Variants in MBOAT1 observed in about 807,000 individuals in gnomAD.
The protein encoded by MBOAT1 is membrane bound glycerophospholipid O-acyltransferase 1.
In MBOAT1, 67 loss-of-function variants were observed where a neutral mutation model predicts 64.4. The observed-to-expected ratio is 1.04, with a 90% CI of 0.85 to 1.27. MBOAT1 has a LOEUF of 1.27. Among genes scored for constraint, MBOAT1 ranks in the 50% most tolerant of loss-of-function variants. MBOAT1 has a pLI of 0.00. For synonymous variants in MBOAT1, 229 were observed against 218.9 expected (o/e 1.05, Z -0.41); for missense variants, 563 against 604.6 (o/e 0.93, Z 0.72).
At chr6:20,211,329 A>G (rs1446925806) in intron 1 of MBOAT1, among the ~76,000 whole-genome samples, 3 of 152,156 alleles carry the variant, frequency 2.0e-5, no homozygotes, top group African/African-American at 7.2e-5. Context: ...GCCCTGCCCA[A>G]TTCTATTTAA....
At chr6:20,190,386 A>T (rs1762772032) in intron 1 of MBOAT1, among the ~76,000 whole-genome samples, 1 of 152,230 alleles carries the variant, frequency 6.6e-6, no homozygotes, top group Non-Finnish European at 1.5e-5. Context: ...CTCCCCAGTA[A>T]GCCAGGTGAT....
rs1173451248 is a variant in MBOAT1 at position 20,151,279 on chromosome 6, T to C, written c.246-17A>G. ...ACAGAGTACCTTTAAGACATAATAG[T>C]AGGGGGAGGAGTAATGAATATATTT... On this transcript the variant is annotated splice_polypyrimidine_tract_variant and intron_variant, in intron 2 of 12. Transcript: ENST00000324607. The C allele has an allele frequency of 6.4e-7, 1 of 1,565,756 alleles. No individual in the cohort carries two copies. The highest frequency in any genetic ancestry group is 8.8e-7 in the Non-Finnish European group (1 of 1,137,776).
At chr6:20,133,781 G>T (rs140524914) in intron 4 of MBOAT1, among the ~76,000 whole-genome samples, 1 of 152,058 alleles carries the variant, frequency 6.6e-6, no homozygotes, top group East Asian at 1.9e-4. Context: ...ATTCGGTGGC[G>T]CACGTTAAGC....
chr6:20,169,318 A>G (rs1762124765), intron 1 of MBOAT1, among the ~76,000 whole-genome samples: 1 of 152,200 alleles, frequency 6.6e-6, no homozygotes, highest in Non-Finnish European at 1.5e-5. Context: ...ATTTGGTTTA[A>G]TTTGAAAATA....
intron 1 of MBOAT1, among the ~76,000 whole-genome samples, chr6:20,184,122 T>C (rs1762582005): frequency 6.6e-6 from 1 of 152,156 alleles, no homozygotes; most frequent in South Asian, 2.1e-4. Flanking sequence ...TACTCTTCCG[T>C]TTAAATTTAA....
intron 3 of MBOAT1, 95 bp from the exon 4 acceptor site, chr6:20,144,410 A>T: frequency 1.2e-6 from 1 of 807,820 alleles, no homozygotes; most frequent in Non-Finnish European, 2.1e-6. Context: ...CTTCACGTGC[A>T]GTTGGTCACA....
chr6:20,181,855 G>T (rs982848863), intron 1 of MBOAT1, among the ~76,000 whole-genome samples: 5 of 152,176 alleles, frequency 3.3e-5, no homozygotes, highest in Non-Finnish European at 5.9e-5. Flanking sequence ...AATAATGAGA[G>T]ATTAGTTTAC....
At chr6:20,197,234 G>T (rs1012202765) in intron 1 of MBOAT1, among the ~76,000 whole-genome samples, 1 of 152,132 alleles carries the variant, frequency 6.6e-6, no homozygotes, top group East Asian at 1.9e-4. Flanking sequence ...TTAGAAACAC[G>T]TGCCTCCAGT....
intron 1 of MBOAT1, among the ~76,000 whole-genome samples, chr6:20,195,941 T>C (rs910392894): frequency 5.9e-5 from 9 of 151,900 alleles, no homozygotes; most frequent in African/African-American, 2.2e-4. Context: ...GAAAGGAAGG[T>C]TGTGCATAAA....
chr6:20,176,737 C>T (rs1482908993), intron 1 of MBOAT1, among the ~76,000 whole-genome samples: 1 of 152,138 alleles, frequency 6.6e-6, no homozygotes, highest in Non-Finnish European at 1.5e-5. Context: ...AATTCTCATG[C>T]CTCAGCCTCC....
In MBOAT1 at chr6:20,152,340, A is replaced by AT. The variant is rs56153189; in HGVS notation, c.245+283_245+284insA. 2.6e-4 allele frequency among the ~76,000 whole-genome samples: 5 copies of AT among 19,332 alleles called. No homozygotes were observed. In the Admixed American group the frequency reaches 3.4e-3, roughly 13 times the overall value. 12.7% of individuals were successfully genotyped at this position (19,332 alleles called of 152,430 possible). ...AGACTCCGTCTCAAAAAAAAAAAAT[A>AT]AAAAATAAATAAATAAATAAATAAA... On this transcript the variant is annotated intron_variant, in intron 2 of 12. Coordinates refer to ENST00000324607, the MANE Select transcript of MBOAT1 (RefSeq NM_001080480.3).
At chr6:20,119,079 A>T (rs909278944) in intron 8 of MBOAT1, among the ~76,000 whole-genome samples, 2 of 152,060 alleles carry the variant, frequency 1.3e-5, no homozygotes, top group African/African-American at 4.8e-5. Context: ...GTTAAGCATG[A>T]CCCGCCGGTA....
chr6:20,139,331 T>G (rs1172202445), intron 4 of MBOAT1, among the ~76,000 whole-genome samples: 1 of 152,120 alleles, frequency 6.6e-6, no homozygotes, highest in East Asian at 1.9e-4. Context: ...TTTCACCATG[T>G]TGGACAGGCT....
intron 1 of MBOAT1, among the ~76,000 whole-genome samples, chr6:20,198,229 A>G (rs1763014264): frequency 7.0e-5 from 1 of 14,376 alleles, no homozygotes; most frequent in South Asian, 1.2e-3. Context: ...CTGTGTCTCA[A>G]AAAAAAAAAA....
chr6:20,211,142 C>A (rs1275961195), intron 1 of MBOAT1, among the ~76,000 whole-genome samples: 1 of 152,092 alleles, frequency 6.6e-6, no homozygotes, highest in African/African-American at 2.4e-5. Flanking sequence ...AAACAGGACC[C>A]GAATAAGGCA....
At chr6:20,111,835 C>CATATATATACATTTATATAT in intron 11 of MBOAT1, among the ~76,000 whole-genome samples, 2 of 86,796 alleles carry the variant, frequency 2.3e-5, no homozygotes, top group South Asian at 8.5e-4. Context: ...CATATATATA[C>CATATATATACATTTATATAT]ACATATATAT....
intron 9 of MBOAT1, among the ~76,000 whole-genome samples, chr6:20,116,287 G>A (rs192945054): frequency 3.2e-4 from 48 of 151,726 alleles, no homozygotes; most frequent in African/African-American, 1.2e-3. Context: ...AGCTGAGATC[G>A]CACCACTGCA....
intron 3 of MBOAT1, among the ~76,000 whole-genome samples, chr6:20,148,907 C>G (rs1761406625): frequency 6.6e-6 from 1 of 151,980 alleles, no homozygotes; most frequent in Non-Finnish European, 1.5e-5. Context: ...TTGAGACCAT[C>G]CTGGCCAACA....
rs151272291 is a variant in MBOAT1 at position 20,133,774 on chromosome 6, C to T, written c.420-2575G>A. 3.9e-3 allele frequency among the ~76,000 whole-genome samples: 590 copies of T among 152,260 alleles called. 3 individuals are homozygous for T. Among genetic ancestry groups the T allele is most frequent in the South Asian group, 0.014 (66 of 4,820 alleles). On this transcript the variant is annotated intron_variant, in intron 4 of 12. Transcript: ENST00000324607. ...GTTAGACCTAATGTATTCCATGATTCGGTGGCGCACGTTAAGCAAAACATT... is the reference window on the plus strand; with the variant it reads ...GTTAGACCTAATGTATTCCATGATTTGGTGGCGCACGTTAAGCAAAACATT...
Sources: allele counts gnomAD v4.1 joint callset (sites outside exome capture counted in the v4.1 genomes callset), GRCh38; gene constraint gnomAD v4.1.1; transcripts MANE v1.5; gene names NCBI Gene and HGNC (gene_info 2026-07-23, HGNC 2026-07-21).